SELENON: variants seen among roughly 807,000 people sequenced by gnomAD.
SELENON encodes the protein selenoprotein N.
Under a neutral mutation model 59.5 loss-of-function variants are expected in SELENON, and 44 were observed. The observed-to-expected ratio is 0.74, with a 90% CI of 0.58 to 0.95. The LOEUF (loss-of-function observed/expected upper bound fraction) is 0.95. Among genes scored for constraint, SELENON ranks in the 40% least tolerant of loss-of-function variants. SELENON has a pLI of 0.00. For missense variants in SELENON, 674 were observed against 721.4 expected (o/e 0.93, Z 0.75); for synonymous variants, 320 against 305.6 (o/e 1.05, Z -0.49).
intron 6 of SELENON, 107 bp downstream of exon 5, chr1:25,809,257 T>C: frequency 1.3e-6 from 2 of 1,528,622 alleles, no homozygotes. Context: ...CTCCTCCCAC[T>C]GCCGTCTTGG....
chr1:25,802,190 A>G (rs2047866762), intron 3 of SELENON: 1 of 192,136 alleles, frequency 5.2e-6, no homozygotes, highest in Non-Finnish European at 1.1e-5. Context: ...CAGTCTCACT[A>G]CGTTGCCTAG....
At chr1:25,809,232 C>T in intron 6 of SELENON, 82 bp downstream of exon 5, 3 of 1,592,310 alleles carry the variant, frequency 1.9e-6, no homozygotes, top group Non-Finnish European at 2.6e-6. Context: ...CAGCTTGAGC[C>T]CCCCAGCTCC....
Position 25,800,238 on chromosome 1 carries a change from G to T in SELENON, c.8G>T (p.Arg3Leu). ...CCGCCGCCAGCCGCAGCCATGGGCC[G>T]GGCCCGGCCGGGCCAACGCGGGCCG... Residue 3 changes from arginine to leucine, a missense_variant, in exon 1 of 13, where the codon CGG becomes CTG. Arg to Leu is a moderately radical substitution (Grantham distance 102). Transcript: ENST00000361547. 1.2e-6 allele frequency: 1 copy of T among 825,970 alleles called. No homozygotes were observed. Among genetic ancestry groups the T allele is most frequent in the Non-Finnish European group, 1.5e-6 (1 of 687,498 alleles). The allele number at this position is 825,970 out of a possible 1,614,324, so 51.2% of individuals were successfully genotyped here. A position where few individuals can be genotyped will look rare whatever the true frequency, so the allele number is the denominator to read the frequency against.
In SELENON at chr1:25,808,410, G is replaced by A. The variant is rs78829313; in HGVS notation, c.538-170G>A. On this transcript the variant is annotated intron_variant, in intron 4 of 12. Coordinates refer to ENST00000361547, the MANE Select transcript of SELENON (RefSeq NM_020451.3). Reference sequence around the variant, plus strand: ...GCAGGGAGAGGAGCCTCTCTCTGGCGGGATATTGCTAAGCTTGTGGCCATC... The same window carrying A: ...GCAGGGAGAGGAGCCTCTCTCTGGCAGGATATTGCTAAGCTTGTGGCCATC... Among the ~76,000 whole-genome samples the A allele has an allele frequency of 0.028, 4,199 of 152,168 alleles. 184 individuals are homozygous for A. The highest frequency in any genetic ancestry group is 0.092 in the African/African-American group (3,821 of 41,494).
intron 3 of SELENON, among the ~76,000 whole-genome samples, chr1:25,802,572 T>C (rs1191417745): frequency 1.3e-5 from 2 of 152,092 alleles, no homozygotes; most frequent in Non-Finnish European, 1.5e-5. Flanking sequence ...GCTAGGCTGG[T>C]CTCGAACTCC....
chr1:25,812,598 C>CAT, intron 9 of SELENON, 89 bp from the exon 9 acceptor site: 2 of 841,062 alleles, frequency 2.4e-6, no homozygotes, highest in Non-Finnish European at 3.9e-6. Flanking sequence ...CACACACACA[C>CAT]ACACACACTT....
At chr1:25,811,287 A>C (rs2047957352) in intron 7 of SELENON, among the ~76,000 whole-genome samples, 167 bp from the exon 7 acceptor site, 1 of 152,230 alleles carries the variant, frequency 6.6e-6, no homozygotes, top group African/African-American at 2.4e-5. Flanking sequence ...GAAGAGGGCC[A>C]GGGCTCTGCA....
At position 25,809,139 on chromosome 1, in the gene SELENON, T is replaced by A. The variant is rs754062319; in HGVS notation, c.861T>A (p.Thr287=). 1.9e-6 allele frequency: 3 copies of A among 1,613,678 alleles called. No individual in the cohort carries two copies. Among genetic ancestry groups the A allele is most frequent in the Non-Finnish European group, 1.7e-6 (2 of 1,179,998 alleles). ...CTGCCATCAGCGACTTCTACTACAC[T>A]GTGATGTTCCGGTGAGTGGGCCACA... The change falls in exon 6 of 13, where the codon ACT becomes ACA. Residue 287 remains threonine (T), a synonymous_variant. Coordinates refer to ENST00000361547, the MANE Select transcript of SELENON (RefSeq NM_020451.3).
At position 25,814,001 on chromosome 1, in the gene SELENON, G is replaced by A. The variant is rs930103539; in HGVS notation, c.1500+8G>A. 3.3e-5 allele frequency: 54 copies of A among 1,613,096 alleles called. No individual in the cohort carries two copies. Among genetic ancestry groups the A allele is most frequent in the Non-Finnish European group, 4.4e-5 (52 of 1,179,130 alleles). ...GAGCTGGAGGAACTGCAGGTGAGCG[G>A]GCAGGTGGCAGGAACAGGAGCGTCC... On this transcript the variant is annotated splice_region_variant and intron_variant, in intron 11 of 12. Transcript: ENST00000361547.
rs999744359 is a variant in SELENON, at chr1:25,800,344, G to GGCCGCCGCCGCT, written c.125_136dup (p.Ala42_Ala45dup). 124 of 1,025,598 alleles carry GGCCGCCGCCGCT rather than the reference G, an allele frequency of 1.2e-4. No homozygotes were observed. The highest frequency in any genetic ancestry group is 1.1e-3 in the African/African-American group (61 of 57,654). 63.5% of individuals were successfully genotyped at this position (1,025,598 alleles called of 1,614,324 possible). ...CCCTGGCGCTGCTCGGAGCCCTGCT[G>GGCCGCCGCCGCT]GCCGCCGCCGCTGCCGCCGCCGTCC... On this transcript the variant is annotated inframe_insertion, in exon 1 of 13. Coordinates refer to ENST00000361547, the MANE Select transcript of SELENON (RefSeq NM_020451.3).
At position 25,803,197 on chromosome 1, in the gene SELENON, C is replaced by T. The variant is rs1315087524; in HGVS notation, c.403+1080C>T. ...CATACACTTCTGCGCATTTGCACAG[C>T]TACCTCTTTGTCCTTTTTTGTGGCC... On this transcript the variant is annotated intron_variant, in intron 3 of 12. Coordinates refer to ENST00000361547, the MANE Select transcript of SELENON (RefSeq NM_020451.3). Among the ~76,000 whole-genome samples the T allele has an allele frequency of 3.3e-5, 5 of 152,290 alleles. No individual in the cohort carries two copies. In the East Asian group the frequency reaches 9.6e-4, roughly 29 times the overall value.
intron 9 of SELENON, 80 bp from the exon 9 acceptor site, chr1:25,812,601 ACACACT>A (rs2047974730): frequency 1.2e-6 from 1 of 847,488 alleles, no homozygotes; most frequent in African/African-American, 1.9e-5. Context: ...ACACACACAC[ACACACT>A]TGCACACACT....
rs1269951927 is a variant in SELENON, at chr1:25,801,158, CA to C, written c.300del (p.Ser102LeufsTer33). The C allele has an allele frequency of 1.9e-6, 3 of 1,612,340 alleles. No homozygotes were observed. The highest frequency in any genetic ancestry group is 2.5e-6 in the Non-Finnish European group (3 of 1,178,492). ...TTCAAACCCATTGCTGAGAAGCTAA[CA>C]GGTACCAGGAGAGACTGGCGGCTGG... On this transcript the variant is annotated frameshift_variant and splice_region_variant, in exon 2 of 13. Coordinates refer to ENST00000361547, the MANE Select transcript of SELENON (RefSeq NM_020451.3). LOFTEE classifies it high-confidence loss of function.
At chr1:25,814,222 G>A in intron 12 of SELENON, 44 bp downstream of exon 11, 1 of 1,501,948 alleles carries the variant, frequency 6.7e-7, no homozygotes, top group Non-Finnish European at 9.2e-7. Context: ...GGCACCTCGG[G>A]GCCCCGGGAG....
intron 7 of SELENON, among the ~76,000 whole-genome samples, chr1:25,810,943 C>A (rs778456056): frequency 6.6e-6 from 1 of 152,198 alleles, no homozygotes; most frequent in Non-Finnish European, 1.5e-5. Flanking sequence ...GGACTGCTGA[C>A]CCCCGGGGGT....
In SELENON at chr1:25,808,702, C is replaced by G; in HGVS notation, c.660C>G (p.Pro220=). 1.2e-6 allele frequency: 2 copies of G among 1,614,158 alleles called. No individual in the cohort carries two copies. The highest frequency in any genetic ancestry group is 2.2e-5 in the East Asian group (1 of 44,894). Residue 220 remains proline, a synonymous_variant, in exon 5 of 13, where the codon CCC becomes CCG. Coordinates refer to ENST00000361547, the MANE Select transcript of SELENON (RefSeq NM_020451.3). Reference sequence around the variant, plus strand: ...CGCCAGGCCAGGAGCTGGGTGAGCCCTGGTGGATCATCCCCAGTGAGCTGA... The same window carrying G: ...CGCCAGGCCAGGAGCTGGGTGAGCCGTGGTGGATCATCCCCAGTGAGCTGA...
chr1:25,805,403 G>A (rs544092891), intron 4 of SELENON, 128 bp downstream of exon 3: 62 of 1,276,854 alleles, frequency 4.9e-5, no homozygotes, highest in South Asian at 1.0e-4. Context: ...GTCCATGTGC[G>A]GTGATGTTGT....
intron 6 of SELENON, among the ~76,000 whole-genome samples, 164 bp downstream of exon 5, chr1:25,809,314 C>T (rs568468113): frequency 9.2e-5 from 14 of 152,248 alleles, no homozygotes; most frequent in Non-Finnish European, 1.8e-4. Flanking sequence ...ACCTGTGGAT[C>T]CGGGTGCTGA....
intron 6 of SELENON, 87 bp downstream of exon 5, chr1:25,809,237 A>G: frequency 6.3e-7 from 1 of 1,585,608 alleles, no homozygotes; most frequent in Non-Finnish European, 8.6e-7. Context: ...TGAGCCCCCC[A>G]GCTCCACCTC....
Sources: gnomAD v4.1 joint callset for allele counts (sites outside exome capture counted in the v4.1 genomes callset) on GRCh38, gnomAD v4.1.1 for gene constraint, MANE v1.5 for transcripts, NCBI Gene and HGNC (gene_info 2026-07-23, HGNC 2026-07-21) for gene names.